The following DPYD variants were observed in gnomAD, a reference collection of about 807,000 sequenced individuals.
DPYD encodes the protein dihydropyrimidine dehydrogenase.
In DPYD, 109 loss-of-function variants were observed where a neutral mutation model predicts 116.2. The observed-to-expected ratio is 0.94, with a 90% CI of 0.80 to 1.10. DPYD has a LOEUF of 1.10. Among genes scored for constraint, DPYD ranks in the 50% least tolerant of loss-of-function variants. The pLI, the probability that DPYD is intolerant of heterozygous loss-of-function variation, is 0.00. For synonymous variants in DPYD, 440 were observed against 432.0 expected, an observed-to-expected ratio of 1.02 and a Z score of -0.23; for missense variants, 1,302 against 1,254.5, an observed-to-expected ratio of 1.04 and a Z score of -0.57.
chr1:97,843,845 A>C (rs1197759700), intron 2 of DPYD, among the ~76,000 whole-genome samples: 1 of 152,164 alleles, frequency 6.6e-6, no homozygotes, highest in Non-Finnish European at 1.5e-5. Context: ...CATTTTAATG[A>C]ATAGGGGAGA....
intron 16 of DPYD, among the ~76,000 whole-genome samples, chr1:97,330,193 C>T (rs1668917111): frequency 6.6e-6 from 1 of 152,010 alleles, no homozygotes; most frequent in Non-Finnish European, 1.5e-5. Flanking sequence ...ACTGATTTTC[C>T]TGGCTTTAAA....
At chr1:97,850,671 CAGG>C (rs1174685444) in intron 2 of DPYD, among the ~76,000 whole-genome samples, 4 of 151,962 alleles carry the variant, frequency 2.6e-5, no homozygotes, top group Non-Finnish European at 5.9e-5. Flanking sequence ...GATAAAAACA[CAGG>C]AGATCACAGT....
intron 20 of DPYD, among the ~76,000 whole-genome samples, chr1:97,161,611 T>G: frequency 6.6e-6 from 1 of 151,824 alleles, no homozygotes; most frequent in South Asian, 2.1e-4. Flanking sequence ...AGGGTACATG[T>G]GCACAATGTA....
chr1:97,307,291 A>G (rs934115593), intron 16 of DPYD, among the ~76,000 whole-genome samples: 1 of 151,966 alleles, frequency 6.6e-6, no homozygotes, highest in African/African-American at 2.4e-5. Flanking sequence ...TTTTTGAATA[A>G]AAGAAAAACC....
chr1:97,381,035 A>T (rs968373380), intron 15 of DPYD, among the ~76,000 whole-genome samples: 21 of 152,128 alleles, frequency 1.4e-4, no homozygotes, highest in African/African-American at 4.8e-4. Context: ...TTTTTAATTG[A>T]CATTATCATA....
intron 14 of DPYD, among the ~76,000 whole-genome samples, chr1:97,449,457 A>T (rs1274953900): frequency 6.6e-6 from 1 of 152,096 alleles, no homozygotes; most frequent in African/African-American, 2.4e-5. Flanking sequence ...AGGGATAGGG[A>T]CAATAAATGA....
At chr1:97,536,092 T>G (rs141076444) in intron 12 of DPYD, among the ~76,000 whole-genome samples, 61 of 152,260 alleles carry the variant, frequency 4.0e-4, no homozygotes, top group Non-Finnish European at 7.9e-4. Context: ...TTGCGAGAGA[T>G]AAAGGTGAGA....
intron 11 of DPYD, among the ~76,000 whole-genome samples, chr1:97,568,990 G>T (rs1652717271): frequency 6.6e-6 from 1 of 152,094 alleles, no homozygotes; most frequent in Non-Finnish European, 1.5e-5. Context: ...AAGAGTGGTT[G>T]TGGTACAGGG....
intron 13 of DPYD, among the ~76,000 whole-genome samples, chr1:97,464,235 T>C (rs1318537948): frequency 9.8e-6 from 1 of 101,962 alleles, no homozygotes; most frequent in African/African-American, 3.7e-5. Context: ...CAAGACTCTG[T>C]CTCAAAATAA....
At chr1:97,611,990 A>T (rs1655980027) in intron 8 of DPYD, among the ~76,000 whole-genome samples, 1 of 152,074 alleles carries the variant, frequency 6.6e-6, no homozygotes, top group African/African-American at 2.4e-5. Context: ...TTGTTAACAT[A>T]ACCTTCAAGC....
At chr1:97,136,960 G>T (rs1276820739) in intron 20 of DPYD, among the ~76,000 whole-genome samples, 10 of 152,140 alleles carry the variant, frequency 6.6e-5, no homozygotes, top group Non-Finnish European at 1.3e-4. Context: ...ACACAAATCA[G>T]AAATTGTTGG....
In DPYD at chr1:97,130,836, CTCCTTCCTTCCTTCCT is replaced by C. The variant is rs59350272; in HGVS notation, c.2623-32220_2623-32205del. Among the ~76,000 whole-genome samples, 324 of 64,666 alleles carry C rather than the reference CTCCTTCCTTCCTTCCT, an allele frequency of 5.0e-3. 5 individuals carry two copies. Among genetic ancestry groups the C allele is most frequent in the East Asian group, 0.04 (110 of 2,748 alleles). 42.4% of individuals were successfully genotyped at this position (64,666 alleles called of 152,430 possible). A position where few individuals can be genotyped will look rare whatever the true frequency, so the allele number is the denominator to read the frequency against. ...TTCTTTCTTCCTTTCTTTCTTCTTT[CTCCTTCCTTCCTTCCT>C]TCCTTCCTTCCTTCCTTCCTTCCTT... is the stretch of plus-strand genomic sequence containing the variant. On this transcript the variant is annotated intron_variant, in intron 20 of 22. Coordinates refer to ENST00000370192, the MANE Select transcript of DPYD (RefSeq NM_000110.4).
chr1:97,662,319 C>T (rs1159312600), intron 8 of DPYD, among the ~76,000 whole-genome samples: 1 of 151,882 alleles, frequency 6.6e-6, no homozygotes, highest in East Asian at 1.9e-4. Flanking sequence ...AACTCTTTAG[C>T]AGGCTCAATA....
intron 20 of DPYD, among the ~76,000 whole-genome samples, chr1:97,173,349 C>CAT (rs376307078): frequency 2.0e-3 from 305 of 149,394 alleles, no homozygotes; most frequent in Non-Finnish European, 3.5e-3. Flanking sequence ...TATATGCACA[C>CAT]ATATATGTAC....
chr1:97,492,009 G>C (rs1213000844), intron 13 of DPYD, among the ~76,000 whole-genome samples: 10 of 152,064 alleles, frequency 6.6e-5, no homozygotes, highest in Non-Finnish European at 1.3e-4. Flanking sequence ...GCCTCAAAAA[G>C]ATCTCTTCTG....
At chr1:97,656,966 ATTTTTTTTTTT>A (rs71590230) in intron 8 of DPYD, among the ~76,000 whole-genome samples, 5 of 116,520 alleles carry the variant, frequency 4.3e-5, no homozygotes, top group Non-Finnish European at 8.8e-5. Context: ...GCATGATTGT[ATTTTTTTTTTT>A]TTTTTTTTTG....
At chr1:97,801,935 T>A (rs1373325065) in intron 3 of DPYD, among the ~76,000 whole-genome samples, 1 of 151,922 alleles carries the variant, frequency 6.6e-6, no homozygotes, top group Admixed American at 6.6e-5. Context: ...CTAATTTTCA[T>A]ACAAACTTAA....
At chr1:97,601,047 G>A (rs1191879087) in intron 8 of DPYD, among the ~76,000 whole-genome samples, 1 of 152,062 alleles carries the variant, frequency 6.6e-6, no homozygotes, top group African/African-American at 2.4e-5. Context: ...ATTCAAATTG[G>A]AGCATTAAGA....
At chr1:97,434,799 G>A (rs1675381041) in intron 14 of DPYD, among the ~76,000 whole-genome samples, 1 of 151,990 alleles carries the variant, frequency 6.6e-6, no homozygotes, top group Non-Finnish European at 1.5e-5. Flanking sequence ...CAGAACAGTG[G>A]GGACTGTGTG....
Sources: gnomAD v4.1 joint callset for allele counts (sites outside exome capture counted in the v4.1 genomes callset) on GRCh38, gnomAD v4.1.1 for gene constraint, MANE v1.5 for transcripts, NCBI Gene and HGNC (gene_info 2026-07-23, HGNC 2026-07-21) for gene names.